The following CRACDL variants were observed in gnomAD, a reference collection of about 807,000 sequenced individuals.
CRACDL encodes the protein CRACD-like protein.
A neutral mutation model predicts 70.6 loss-of-function variants in CRACDL; 26 were observed. That is an observed-to-expected ratio of 0.37 (90% CI 0.27 to 0.51). The LOEUF is 0.51. Ranked by LOEUF, CRACDL falls within the 20% of genes least tolerant of loss-of-function variation. The probability of loss-of-function intolerance (pLI) is 0.94; values close to 1 mark genes in which losing one functional copy is unlikely to be tolerated. For missense variants in CRACDL, 1,283 were observed against 1,376.9 expected, an observed-to-expected ratio of 0.93 and a Z score of 1.08; for synonymous variants, 618 against 615.2, an observed-to-expected ratio of 1.00 and a Z score of -0.07.
At chr2:98,812,391 A>C (rs1704606359) in intron 7 of CRACDL, among the ~76,000 whole-genome samples, 1 of 152,244 alleles carries the variant, frequency 6.6e-6, no homozygotes, top group South Asian at 2.1e-4. Flanking sequence ...GGTCATAAGC[A>C]TATTTTTAAT....
intron 1 of CRACDL, among the ~76,000 whole-genome samples, chr2:98,879,653 A>T (rs1707585116): frequency 6.6e-6 from 1 of 152,104 alleles, no homozygotes; most frequent in South Asian, 2.1e-4. Context: ...GGTTCAAGCA[A>T]TTCTCCTGCC....
chr2:98,905,879 A>C (rs1708399195), intron 1 of CRACDL, among the ~76,000 whole-genome samples: 1 of 152,104 alleles, frequency 6.6e-6, no homozygotes, highest in Non-Finnish European at 1.5e-5. Context: ...GGCCAACCAA[A>C]GTGCTGGGAT....
At chr2:98,855,412 A>G (rs948161130) in intron 1 of CRACDL, among the ~76,000 whole-genome samples, 1 of 152,240 alleles carries the variant, frequency 6.6e-6, no homozygotes, top group Non-Finnish European at 1.5e-5. Context: ...CAAAGAAATA[A>G]GGATATATCA....
chr2:98,890,008 C>T (rs1042667823), intron 1 of CRACDL, among the ~76,000 whole-genome samples: 7 of 152,060 alleles, frequency 4.6e-5, no homozygotes, highest in Non-Finnish European at 7.4e-5. Context: ...GCAGTTAAAA[C>T]AATGCTTGCA....
chr2:98,875,724 A>C (rs529549315), intron 1 of CRACDL, among the ~76,000 whole-genome samples: 4 of 152,396 alleles, frequency 2.6e-5, no homozygotes, highest in Admixed American at 6.5e-5. Flanking sequence ...CAAGAGACTA[A>C]GAAAATAGGC....
chr2:98,894,582 T>A (rs1479625951), intron 1 of CRACDL, among the ~76,000 whole-genome samples: 2 of 152,124 alleles, frequency 1.3e-5, no homozygotes, highest in African/African-American at 4.8e-5. Flanking sequence ...AATATATTTA[T>A]ATATACGCAA....
At chr2:98,888,695 A>C (rs1381088869) in intron 1 of CRACDL, among the ~76,000 whole-genome samples, 1 of 152,236 alleles carries the variant, frequency 6.6e-6, no homozygotes, top group African/African-American at 2.4e-5. Flanking sequence ...AAAATCACTC[A>C]AATACTCCAA....
intron 7 of CRACDL, among the ~76,000 whole-genome samples, chr2:98,818,214 C>A (rs1704869852): frequency 6.6e-6 from 1 of 152,192 alleles, no homozygotes; most frequent in African/African-American, 2.4e-5. Context: ...ATAAACAGGG[C>A]TCCTCTGCCT....
intron 3 of CRACDL, among the ~76,000 whole-genome samples, chr2:98,836,429 A>G (rs1358606818): frequency 6.6e-6 from 1 of 152,200 alleles, no homozygotes; most frequent in East Asian, 1.9e-4. Flanking sequence ...CCTAGCATCA[A>G]AACCAGCAAA....
rs928449325 is a variant in CRACDL at position 98,823,957 on chromosome 2, C to G, written c.736-420G>C. On this transcript the variant is annotated intron_variant, in intron 6 of 9. Transcript: ENST00000397899. The surrounding 1 kb of genome is among the most constrained non-coding windows in gnomAD (Gnocchi z 4.0). Reference sequence around the variant, plus strand: ...TTGAGAGCCAGGAACTCAGAGAGGCCAATACCTTGTTCAAGCCTGGGCAAG... The same window carrying G: ...TTGAGAGCCAGGAACTCAGAGAGGCGAATACCTTGTTCAAGCCTGGGCAAG... Among the ~76,000 whole-genome samples the G allele has an allele frequency of 6.6e-6, 1 of 152,116 alleles. No individual in the cohort carries two copies. Among genetic ancestry groups the G allele is most frequent in the Non-Finnish European group, 1.5e-5 (1 of 68,028 alleles).
intron 1 of CRACDL, among the ~76,000 whole-genome samples, chr2:98,874,619 A>C (rs1263732787): frequency 6.6e-6 from 1 of 152,150 alleles, no homozygotes; most frequent in Non-Finnish European, 1.5e-5. Context: ...GCCTCCAAAA[A>C]TCCACACTGT....
In CRACDL at chr2:98,823,807, G is replaced by T. The variant is rs1172404031; in HGVS notation, c.736-270C>A. On this transcript the variant is annotated intron_variant, in intron 6 of 9. Transcript: ENST00000397899. The surrounding 1 kb of genome is among the most constrained non-coding windows in gnomAD (Gnocchi z 4.0). ...AGAGCCTCAAAACCAGTGGACTAGA[G>T]TAACGCCAAGGGAAGGCGACCAACA... Among the ~76,000 whole-genome samples, 1 of 152,230 alleles carries T rather than the reference G, an allele frequency of 6.6e-6. No homozygotes were observed. The highest frequency in any genetic ancestry group is 6.5e-5 in the Admixed American group (1 of 15,290).
rs547329191 is a variant in CRACDL, at chr2:98,829,041, C to A, written c.541-1872G>T. On this transcript the variant is annotated intron_variant, in intron 5 of 9. Transcript: ENST00000397899. ...ATAAACATTTGGTTAAAAAGAAAAT[C>A]TCACTGCCTAGGACTCATGAGAATA... Among the ~76,000 whole-genome samples the A allele has an allele frequency of 5.3e-5, 8 of 152,376 alleles. No homozygotes were observed. The East Asian group carries it at 1.5e-3, about 29-fold the overall frequency.
chr2:98,910,108 G>T (rs1440244584), intron 1 of CRACDL, among the ~76,000 whole-genome samples: 1 of 152,120 alleles, frequency 6.6e-6, no homozygotes, highest in African/African-American at 2.4e-5. Flanking sequence ...GCTCCTACCT[G>T]CAGGAAGCCG....
At chr2:98,907,069 A>G (rs1708433751) in intron 1 of CRACDL, among the ~76,000 whole-genome samples, 1 of 152,138 alleles carries the variant, frequency 6.6e-6, no homozygotes, top group African/African-American at 2.4e-5. Context: ...AGGTGGGTTG[A>G]TCACCTGAGG....
intron 9 of CRACDL, 103 bp downstream of exon 9, chr2:98,796,017 T>G (rs1275344001): frequency 2.8e-6 from 3 of 1,059,826 alleles, no homozygotes; most frequent in Non-Finnish European, 4.4e-6. Context: ...AAACTCAATG[T>G]TGCAAGTAAT....
chr2:98,830,622 C>T (rs1705500610), intron 5 of CRACDL, among the ~76,000 whole-genome samples: 1 of 152,078 alleles, frequency 6.6e-6, no homozygotes. Flanking sequence ...ATTTTGGTTT[C>T]CTATGAAGCT....
At chr2:98,929,283 G>A (rs1272160408) in intron 1 of CRACDL, among the ~76,000 whole-genome samples, 1 of 152,236 alleles carries the variant, frequency 6.6e-6, no homozygotes, top group East Asian at 1.9e-4. Flanking sequence ...CTGCACAGAA[G>A]GGAGAGAACC....
rs759648146 is a variant in CRACDL, at chr2:98,882,760, C to A, written c.-10-35950G>T. Reference sequence around the variant, plus strand: ...ACCATTTGAACCCCCCGATTCCACACGGAATGCTTTGTTTGGTTCCATTTT... The same window carrying A: ...ACCATTTGAACCCCCCGATTCCACAAGGAATGCTTTGTTTGGTTCCATTTT... On this transcript the variant is annotated intron_variant, in intron 1 of 9. Coordinates refer to ENST00000397899, the MANE Select transcript of CRACDL (RefSeq NM_207362.3). Among the ~76,000 whole-genome samples the A allele has an allele frequency of 2.6e-5, 4 of 152,170 alleles. No homozygotes were observed. In the East Asian group the frequency reaches 5.8e-4, roughly 22 times the overall value.
Sources: allele counts gnomAD v4.1 joint callset (sites outside exome capture counted in the v4.1 genomes callset), GRCh38; gene constraint gnomAD v4.1.1; non-coding constraint Gnocchi (gnomAD v3.1); transcripts MANE v1.5; gene names NCBI Gene and HGNC (gene_info 2026-07-23, HGNC 2026-07-21).